Variants in LETM1 observed in about 807,000 individuals in gnomAD.
The protein encoded by LETM1 is mitochondrial proton/calcium exchanger protein.
In LETM1, 50 loss-of-function variants were observed where a neutral mutation model predicts 74.5. The ratio of observed to expected loss-of-function variants is 0.67; its 90% CI spans 0.53 to 0.85. The LOEUF is 0.85. Among genes scored for constraint, LETM1 ranks in the 40% least tolerant of loss-of-function variants. The pLI is 0.00. For synonymous variants in LETM1, 446 were observed against 407.1 expected (o/e 1.10, Z -1.15); for missense variants, 824 against 967.8 (o/e 0.85, Z 1.97).
chr4:1,852,002 A>G (rs1713086041), intron 1 of LETM1, among the ~76,000 whole-genome samples: 1 of 152,234 alleles, frequency 6.6e-6, no homozygotes, highest in African/African-American at 2.4e-5. Context: ...CCTCACGAGC[A>G]CAGGTGTCAT....
At position 1,849,763 on chromosome 4, in the gene LETM1, G is replaced by T. The variant is rs74829429; in HGVS notation, c.83-554C>A. 2.1e-4 allele frequency among the ~76,000 whole-genome samples: 32 copies of T among 152,314 alleles called. No homozygotes were observed. In the East Asian group the frequency reaches 6.0e-3, roughly 29 times the overall value. The stretch of plus-strand genomic sequence containing the variant: ...GGGTTTCGTTTTGTTGCCTAGGCTG[G>T]TCTCCAACTTTTGGCCTCGAGCGAC... On this transcript the variant is annotated intron_variant, in intron 1 of 13. Transcript: ENST00000302787.
intron 8 of LETM1, 52 bp downstream of exon 8, chr4:1,823,592 G>A: frequency 5.6e-6 from 9 of 1,607,188 alleles, no homozygotes; most frequent in Non-Finnish European, 7.6e-6. Context: ...CCCCAGAAGA[G>A]CGGAGCCACC....
In LETM1 at chr4:1,812,946, GGA is replaced by G. The variant is rs1337190639; in HGVS notation, c.*1476_*1477del. The stretch of plus-strand genomic sequence containing the variant: ...GACTGGGCCCGCGATGCCGCTCACA[GGA>G]GAGGCGTCTGCACACACCTGGCAAC... On this transcript the variant is annotated 3_prime_UTR_variant, in exon 14 of 14. Transcript: ENST00000302787. The G allele has an allele frequency of 6.6e-5, 10 of 152,256 alleles. No individual in the cohort carries two copies. Among genetic ancestry groups the G allele is most frequent in the Admixed American group, 2.0e-4 (3 of 15,274 alleles). The allele number at this position is 152,256 out of a possible 1,614,324, so 9.4% of individuals were successfully genotyped here.
intron 10 of LETM1, among the ~76,000 whole-genome samples, chr4:1,819,847 G>C (rs1021725659): frequency 4.6e-5 from 7 of 152,170 alleles, no homozygotes; most frequent in African/African-American, 1.2e-4. Context: ...GCACTTTCTA[G>C]CATCTTAGAT....
At chr4:1,816,971 T>C in intron 11 of LETM1, 57 bp from the exon 12 acceptor site, 1 of 1,443,012 alleles carries the variant, frequency 6.9e-7, no homozygotes, top group Non-Finnish European at 9.6e-7. Flanking sequence ...GGGGGTCAGG[T>C]GTAGTGGCTC....
chr4:1,837,720 T>C (rs904855796), intron 3 of LETM1, among the ~76,000 whole-genome samples: 13 of 148,348 alleles, frequency 8.8e-5, no homozygotes, highest in African/African-American at 3.1e-4. Context: ...TTTTTTTTTT[T>C]TGAGATGGCG....
intron 8 of LETM1, 85 bp from the exon 9 acceptor site, chr4:1,823,216 C>A: frequency 6.8e-7 from 1 of 1,460,348 alleles, no homozygotes; most frequent in Non-Finnish European, 9.2e-7. Flanking sequence ...TGTCCTGTGT[C>A]CCCTGCCCCG....
At chr4:1,849,091 A>T (rs1295954655) in intron 2 of LETM1, 58 bp downstream of exon 2, 2 of 1,204,698 alleles carry the variant, frequency 1.7e-6, no homozygotes, top group African/African-American at 3.0e-5. Flanking sequence ...GTGACTCTCC[A>T]CCATTTTCAA....
rs555452539 is a variant in LETM1, at chr4:1,820,224, C to T, written c.1609-752G>A. ...GTGCTGATATCACAGGTGTGGGCCCCGCGCCCAGCCTCTCTGTTTGGTTTT... is the reference window on the plus strand; with the variant it reads ...GTGCTGATATCACAGGTGTGGGCCCTGCGCCCAGCCTCTCTGTTTGGTTTT... On this transcript the variant is annotated intron_variant, in intron 10 of 13. Coordinates refer to ENST00000302787, the MANE Select transcript of LETM1 (RefSeq NM_012318.3). Among the ~76,000 whole-genome samples, 5 of 152,300 alleles carry T rather than the reference C, an allele frequency of 3.3e-5. No individual in the cohort carries two copies. In the East Asian group the frequency reaches 9.6e-4, roughly 29 times the overall value.
At chr4:1,818,810 C>T (rs188734423) in intron 11 of LETM1, among the ~76,000 whole-genome samples, 30 of 151,650 alleles carry the variant, frequency 2.0e-4, no homozygotes, top group Non-Finnish European at 3.2e-4. Context: ...TGGCCAGGCA[C>T]GGTGGCCACG....
chr4:1,815,660 C>T lies in LETM1; in HGVS notation c.2070+4G>A. The T allele has an allele frequency of 1.9e-6, 3 of 1,614,020 alleles. No individual in the cohort carries two copies. Among genetic ancestry groups the T allele is most frequent in the Non-Finnish European group, 2.5e-6 (3 of 1,179,958 alleles). Reference sequence around the variant, plus strand: ...TGGCCTGCGTGGTCCCCAGCGAGGCCCACCTTGACGAGGTCGTCGATGTTG... The same window carrying T: ...TGGCCTGCGTGGTCCCCAGCGAGGCTCACCTTGACGAGGTCGTCGATGTTG... On this transcript the variant is annotated splice_donor_region_variant and intron_variant, in intron 13 of 13. Coordinates refer to ENST00000302787, the MANE Select transcript of LETM1 (RefSeq NM_012318.3).
chr4:1,827,902 G>A (rs1194709326), intron 6 of LETM1, among the ~76,000 whole-genome samples: 9 of 149,340 alleles, frequency 6.0e-5, no homozygotes, highest in South Asian at 2.1e-4. Flanking sequence ...CGGACGGGGC[G>A]GCTGGCTGGG....
intron 2 of LETM1, among the ~76,000 whole-genome samples, chr4:1,847,353 A>T (rs1418894487): frequency 6.6e-6 from 1 of 151,974 alleles, no homozygotes; most frequent in Non-Finnish European, 1.5e-5. Flanking sequence ...TCAAAAAAAA[A>T]AAAAAAAGTA....
chr4:1,838,644 C>G (rs1253708273), intron 3 of LETM1, among the ~76,000 whole-genome samples: 1 of 152,188 alleles, frequency 6.6e-6, no homozygotes, highest in Admixed American at 6.5e-5. Context: ...TGCAACTGCA[C>G]TCCAGCCTGG....
intron 6 of LETM1, among the ~76,000 whole-genome samples, chr4:1,828,933 T>C (rs1354379193): frequency 3.7e-4 from 27 of 73,906 alleles, no homozygotes; most frequent in East Asian, 2.8e-3. Flanking sequence ...CCAGTAGGGG[T>C]GGCCGGGCAG....
Position 1,836,730 on chromosome 4 carries a change from CATTCCCAAA to C in LETM1, c.595-167_595-159del, listed in dbSNP as rs1355565511. Among the ~76,000 whole-genome samples, 1 of 152,188 alleles carries C rather than the reference CATTCCCAAA, an allele frequency of 6.6e-6. No homozygotes were observed. Among genetic ancestry groups the C allele is most frequent in the African/African-American group, 2.4e-5 (1 of 41,440 alleles). On this transcript the variant is annotated intron_variant, in intron 3 of 13. Coordinates refer to ENST00000302787, the MANE Select transcript of LETM1 (RefSeq NM_012318.3). The surrounding 1 kb of genome is among the most constrained non-coding windows in gnomAD (Gnocchi z 5.8). ...TAAGTTCCAGAACCACTTAGCAGACCATTCCCAAAACCCACTTCTTTCTCAGGGTCCAAA... is the reference window on the plus strand; with the variant it reads ...TAAGTTCCAGAACCACTTAGCAGACCACCCACTTCTTTCTCAGGGTCCAAA...
intron 2 of LETM1, among the ~76,000 whole-genome samples, chr4:1,847,738 C>T (rs1370839777): frequency 6.8e-6 from 1 of 147,004 alleles, no homozygotes; most frequent in South Asian, 2.2e-4. Flanking sequence ...GCAGGAGAAT[C>T]GCTTGAACCC....
chr4:1,845,403 C>T (rs535368419), intron 2 of LETM1, among the ~76,000 whole-genome samples: 3 of 152,036 alleles, frequency 2.0e-5, no homozygotes, highest in South Asian at 4.2e-4. Context: ...GTCAGGAGTT[C>T]GAGATGAGCC....
chr4:1,830,646 C>T (rs1431304243), intron 6 of LETM1, among the ~76,000 whole-genome samples: 3 of 152,130 alleles, frequency 2.0e-5, no homozygotes, highest in African/African-American at 4.8e-5. Flanking sequence ...AGTATCTTCT[C>T]GCAATATCTT....
Sources: gnomAD v4.1 joint callset for allele counts (sites outside exome capture counted in the v4.1 genomes callset) on GRCh38, gnomAD v4.1.1 for gene constraint, Gnocchi (gnomAD v3.1) non-coding constraint, MANE v1.5 for transcripts, NCBI Gene and HGNC (gene_info 2026-07-23, HGNC 2026-07-21) for gene names.